Variants in MYCBP2 observed in about 807,000 individuals in gnomAD.
MYCBP2 encodes MYC binding protein 2.
A neutral mutation model predicts 525.3 loss-of-function variants in MYCBP2; 120 were observed. That is an observed-to-expected ratio of 0.23 (90% confidence interval 0.20 to 0.27). MYCBP2 has a LOEUF of 0.27. Ranked by LOEUF, MYCBP2 falls within the 10% of genes least tolerant of loss-of-function variation. The probability of loss-of-function intolerance (pLI) is 1.00; values close to 1 mark genes in which losing one functional copy is unlikely to be tolerated. For synonymous variants in MYCBP2, 1,894 were observed against 1,955.8 expected (o/e 0.97, Z 0.83); for missense variants, 4,149 against 5,657.1 (o/e 0.73, Z 8.55).
At chr13:77,087,423 T>C (rs1440794598) in intron 62 of MYCBP2, 61 bp downstream of exon 62, 1 of 1,356,428 alleles carries the variant, frequency 7.4e-7, no homozygotes, top group Non-Finnish European at 1.0e-6. Context: ...ATTGGACTAT[T>C]TGAAGGTATA....
intron 52 of MYCBP2, among the ~76,000 whole-genome samples, chr13:77,136,859 G>A (rs545640321): frequency 7.2e-5 from 11 of 152,074 alleles, no homozygotes; most frequent in Admixed American, 5.2e-4. Context: ...GCTCTCTAAG[G>A]TGCCCTTAAT....
intron 1 of MYCBP2, among the ~76,000 whole-genome samples, chr13:77,319,239 C>T (rs2081312607): frequency 6.6e-6 from 1 of 152,058 alleles, no homozygotes. Context: ...AGAGGAGGAG[C>T]TGGGGGTAAG....
intron 11 of MYCBP2, among the ~76,000 whole-genome samples, chr13:77,261,625 T>A (rs1295556229): frequency 2.6e-5 from 4 of 152,040 alleles, no homozygotes; most frequent in Non-Finnish European, 5.9e-5. Flanking sequence ...TAGGCACAAT[T>A]CACAGCACCC....
intron 55 of MYCBP2, among the ~76,000 whole-genome samples, chr13:77,104,167 A>G (rs2154136628): frequency 6.6e-6 from 1 of 152,240 alleles, no homozygotes; most frequent in Non-Finnish European, 1.5e-5. Context: ...GCTGAAATAA[A>G]TTCAGGTAGT....
intron 82 of MYCBP2, among the ~76,000 whole-genome samples, chr13:77,050,498 C>T (rs1184149254): frequency 2.0e-5 from 3 of 151,958 alleles, no homozygotes; most frequent in Non-Finnish European, 4.4e-5. Context: ...ACTTCTTTCC[C>T]CTCAGCCTGC....
chr13:77,319,424 G>T (rs1173688944), intron 1 of MYCBP2, among the ~76,000 whole-genome samples: 1 of 152,184 alleles, frequency 6.6e-6, no homozygotes, highest in African/African-American at 2.4e-5. Flanking sequence ...ATAGCTGAGA[G>T]AGAATTCTAC....
chr13:77,163,542 A>G (rs1466015898), intron 43 of MYCBP2, among the ~76,000 whole-genome samples: 1 of 152,200 alleles, frequency 6.6e-6, no homozygotes, highest in African/African-American at 2.4e-5. Flanking sequence ...TTAGAGAATC[A>G]GTAAGCATTT....
intron 33 of MYCBP2, among the ~76,000 whole-genome samples, chr13:77,180,801 C>T (rs536362600): frequency 4.6e-5 from 7 of 152,010 alleles, no homozygotes; most frequent in South Asian, 2.1e-4. Context: ...GTGCCTACAG[C>T]CCCAGCTACT....
At chr13:77,261,457 C>T in intron 11 of MYCBP2, 82 bp from the exon 12 acceptor site, 10 of 982,674 alleles carry the variant, frequency 1.0e-5, no homozygotes, top group Non-Finnish European at 1.5e-5. Context: ...AAAAGGACAT[C>T]AATATTTTAT....
chr13:77,190,440 C>G, intron 28 of MYCBP2, 105 bp from the exon 29 acceptor site: 4 of 686,928 alleles, frequency 5.8e-6, no homozygotes, highest in Non-Finnish European at 9.8e-6. Context: ...ATGATTCACT[C>G]TTTTACATAA....
intron 51 of MYCBP2, 98 bp from the exon 52 acceptor site, chr13:77,139,434 T>A: frequency 7.6e-7 from 1 of 1,324,174 alleles, no homozygotes; most frequent in Non-Finnish European, 1.0e-6. Flanking sequence ...TGATGGTGCA[T>A]GTGCAGATTA....
chr13:77,123,206 G>C (rs2051056668), intron 54 of MYCBP2, among the ~76,000 whole-genome samples: 1 of 152,128 alleles, frequency 6.6e-6, no homozygotes, highest in Non-Finnish European at 1.5e-5. Context: ...TAATCTTAGT[G>C]ATTTAAAGGC....
intron 75 of MYCBP2, 35 bp downstream of exon 75, chr13:77,061,627 A>G: frequency 6.3e-7 from 1 of 1,599,760 alleles, no homozygotes. Context: ...AAATTCACTG[A>G]ACATATTTTA....
chr13:77,261,528 G>A (rs917298552), intron 11 of MYCBP2, among the ~76,000 whole-genome samples, 153 bp from the exon 12 acceptor site: 1 of 152,000 alleles, frequency 6.6e-6, no homozygotes, highest in African/African-American at 2.4e-5. Context: ...TCTGGGAGTT[G>A]AGCAAGAAAT....
chr13:77,222,436 C>A (rs891172610), intron 20 of MYCBP2, among the ~76,000 whole-genome samples: 1 of 152,104 alleles, frequency 6.6e-6, no homozygotes, highest in African/African-American at 2.4e-5. Flanking sequence ...ATATCTCAAT[C>A]GTCTCTTATC....
At chr13:77,138,156 C>A (rs547944186) in intron 52 of MYCBP2, among the ~76,000 whole-genome samples, 1 of 152,174 alleles carries the variant, frequency 6.6e-6, no homozygotes, top group South Asian at 2.1e-4. Context: ...AGTAAGCCAA[C>A]ACTCTAAATC....
chr13:77,115,259 T>G (rs528397272), intron 55 of MYCBP2, among the ~76,000 whole-genome samples: 6 of 151,984 alleles, frequency 3.9e-5, no homozygotes, highest in African/African-American at 1.4e-4. Flanking sequence ...AAATAAGGAA[T>G]GTAATATTCT....
chr13:77,054,524 G>T (rs1384172978), intron 80 of MYCBP2, among the ~76,000 whole-genome samples: 1 of 151,326 alleles, frequency 6.6e-6, no homozygotes, highest in Non-Finnish European at 1.5e-5. Flanking sequence ...AGATGTAATG[G>T]AAAGAAAAAA....
chr13:77,100,344 G>T (rs2046883185), intron 55 of MYCBP2: 1 of 152,034 alleles, frequency 6.6e-6, no homozygotes, highest in African/African-American at 2.4e-5. Context: ...TCAAGGGCAG[G>T]TATTTTTGTC....
Sources: allele counts gnomAD v4.1 joint callset (sites outside exome capture counted in the v4.1 genomes callset), GRCh38; gene constraint gnomAD v4.1.1; transcripts MANE v1.5; gene names NCBI Gene and HGNC (gene_info 2026-07-23, HGNC 2026-07-21).